PRR33: variants seen among roughly 807,000 people sequenced by gnomAD.
PRR33 encodes proline-rich protein 33.
PRR33 carries 1 observed loss-of-function variant against 0.5 expected under a neutral mutation model. The ratio of observed to expected loss-of-function variants is 2.18; its 90% CI spans 0.77 to 10.34. The LOEUF is 10.34. PRR33 is among the 30% of genes most tolerant of loss of function. The pLI is 0.13. For synonymous variants in PRR33, 226 were observed against 110.0 expected (o/e 2.06, Z -6.60); for missense variants, 552 against 251.8 (o/e 2.19, Z -8.07).
the PRR33 span, among the ~76,000 whole-genome samples, chr11:1,917,558 C>T: frequency 3.6e-4 from 55 of 152,310 alleles, no homozygotes; most frequent in Non-Finnish European, 6.8e-4. Flanking sequence ...CCCAGGTCTA[C>T]AGTCCCCCAG....
upstream of PRR33, among the ~76,000 whole-genome samples, chr11:1,894,077 T>TGAGAGA (rs1554978157): frequency 2.5e-4 from 1 of 3,946 alleles, no homozygotes; most frequent in Non-Finnish European, 6.1e-4. Context: ...TGTGTGTGTG[T>TGAGAGA]GATAGGGCCT....
the PRR33 span, among the ~76,000 whole-genome samples, chr11:1,915,447 CGT>C: frequency 4.8e-5 from 6 of 124,686 alleles, no homozygotes; most frequent in South Asian, 2.8e-4. Context: ...GATGTTTCTG[CGT>C]GTGTGTGTAT....
chr11:1,893,024 T>G (rs1849061924), upstream of PRR33, among the ~76,000 whole-genome samples: 1 of 150,260 alleles, frequency 6.7e-6, no homozygotes, highest in Non-Finnish European at 1.5e-5. Context: ...GATGGATGGA[T>G]GAGTGGACGG....
At chr11:1,913,306 T>G in the PRR33 span, among the ~76,000 whole-genome samples, 1 of 34,338 alleles carries the variant, frequency 2.9e-5, no homozygotes, top group Non-Finnish European at 1.6e-4. Context: ...TTTTTGTTTT[T>G]TTTTTTTTGT....
chr11:1,901,042 T>C, the PRR33 span, among the ~76,000 whole-genome samples: 68 of 152,310 alleles, frequency 4.5e-4, no homozygotes, highest in Non-Finnish European at 7.9e-4. Context: ...CCAGGCACGG[T>C]GGCTTACGCC....
upstream of PRR33, among the ~76,000 whole-genome samples, chr11:1,893,226 G>A (rs905075440): frequency 2.9e-5 from 4 of 138,718 alleles, no homozygotes; most frequent in Admixed American, 2.1e-4. Context: ...GGATAAGCAG[G>A]TGAATGGATG....
At chr11:1,897,056 G>T in the PRR33 span, among the ~76,000 whole-genome samples, 27 of 152,322 alleles carry the variant, frequency 1.8e-4, no homozygotes, top group African/African-American at 6.5e-4. This position sits in a 1 kb window ranked among gnomAD's most constrained non-coding sequence, Gnocchi z 4.0. Context: ...CGGAAGCAAA[G>T]CACAGAAACC....
At chr11:1,914,598 G>GTT in the PRR33 span, among the ~76,000 whole-genome samples, 1 of 150,366 alleles carries the variant, frequency 6.7e-6, no homozygotes, top group African/African-American at 2.5e-5. Context: ...GTGTGTGTGT[G>GTT]TGTGTGTGTG....
At chr11:1,903,507 AAG>A in the PRR33 span, among the ~76,000 whole-genome samples, 1 of 152,290 alleles carries the variant, frequency 6.6e-6, no homozygotes, top group South Asian at 2.1e-4. Flanking sequence ...ATCATTTTAG[AAG>A]CTTCTTCACA....
exon 1 of PRR33, chr11:1,890,267 G>T (rs1366912721): frequency 1.4e-6 from 1 of 714,184 alleles, no homozygotes; most frequent in East Asian, 2.7e-5. Context: ...CAGCCACCAT[G>T]CGGGGAGCCT....
chr11:1,888,390 C>T (rs772714987), exon 1 of PRR33, among the ~76,000 whole-genome samples: 1 of 152,132 alleles, frequency 6.6e-6, no homozygotes, highest in Non-Finnish European at 1.5e-5. Context: ...CCTCATCCAG[C>T]TGTCAAAGCC....
exon 1 of PRR33, chr11:1,890,445 C>T (rs763498026): frequency 5.6e-5 from 40 of 717,152 alleles, no homozygotes; most frequent in South Asian, 8.9e-5. Flanking sequence ...CATCTTCTTC[C>T]GGGCTGCCTT....
chr11:1,914,335 A>G, the PRR33 span, among the ~76,000 whole-genome samples: 12 of 127,618 alleles, frequency 9.4e-5, no homozygotes, highest in Admixed American at 4.8e-4. Flanking sequence ...GTGTGTCTGT[A>G]TGTGTTGTAG....
At chr11:1,899,082 G>A in the PRR33 span, among the ~76,000 whole-genome samples, 15 of 152,084 alleles carry the variant, frequency 9.9e-5, no homozygotes, top group Non-Finnish European at 1.6e-4. Context: ...AGGATTGGCT[G>A]CAAAATCCTC....
At chr11:1,891,037 C>G (rs986170615) in exon 1 of PRR33, 1 of 161,496 alleles carries the variant, frequency 6.2e-6, no homozygotes, top group East Asian at 1.8e-4. Context: ...CCCCCAGACA[C>G]GTGAGGGGCG....
At chr11:1,912,917 G>A in the PRR33 span, among the ~76,000 whole-genome samples, 1 of 151,842 alleles carries the variant, frequency 6.6e-6, no homozygotes, top group Non-Finnish European at 1.5e-5. Context: ...CAACACAGCA[G>A]CAATATTTAA....
the PRR33 span, among the ~76,000 whole-genome samples, chr11:1,905,151 G>A: frequency 1.7e-5 from 2 of 116,140 alleles, no homozygotes; most frequent in African/African-American, 3.5e-5. Flanking sequence ...TTTGGAGACC[G>A]AGTCTTGCTC....
chr11:1,888,799 G>T (rs1848861466), exon 1 of PRR33: 2 of 237,986 alleles, frequency 8.4e-6, no homozygotes, highest in East Asian at 1.6e-4. Flanking sequence ...CCAGGCCCCT[G>T]AGGAGCCTGG....
At chr11:1,907,588 A>AT in the PRR33 span, among the ~76,000 whole-genome samples, 2 of 151,894 alleles carry the variant, frequency 1.3e-5, no homozygotes, top group African/African-American at 4.8e-5. Flanking sequence ...ATTTTTTTAT[A>AT]TTTTTAGTAG....
Sources: gnomAD v4.1 joint callset for allele counts (sites outside exome capture counted in the v4.1 genomes callset) on GRCh38, gnomAD v4.1.1 for gene constraint, Gnocchi (gnomAD v3.1) non-coding constraint, MANE v1.5 for transcripts, NCBI Gene and HGNC (gene_info 2026-07-23, HGNC 2026-07-21) for gene names.